Variants in SLFN11 observed in about 807,000 individuals in gnomAD.
The protein encoded by SLFN11 is schlafen family member 11.
SLFN11 carries 43 observed loss-of-function variants against 53.4 expected under a neutral mutation model. The observed-to-expected ratio is 0.80, with a 90% CI of 0.63 to 1.04. The LOEUF is 1.04. SLFN11 is among the 50% of genes least tolerant of loss of function. The probability of loss-of-function intolerance (pLI) is 0.00; values close to 1 mark genes in which losing one functional copy is unlikely to be tolerated. For synonymous variants in SLFN11, 389 were observed against 394.7 expected (o/e 0.99, Z 0.17); for missense variants, 990 against 1,079.1 (o/e 0.92, Z 1.16).
chr17:35,357,488 T>C (rs191895203), intron 5 of SLFN11, among the ~76,000 whole-genome samples: 120 of 151,770 alleles, frequency 7.9e-4, no homozygotes, highest in African/African-American at 2.8e-3. Flanking sequence ...TAGTTTATGT[T>C]AGTATATGAA....
intron 5 of SLFN11, among the ~76,000 whole-genome samples, chr17:35,354,484 C>A (rs1483606831): frequency 6.6e-6 from 1 of 152,136 alleles, no homozygotes; most frequent in African/African-American, 2.4e-5. Flanking sequence ...TAGCAGGAGC[C>A]CCCCCTCCTC....
chr17:35,363,887 T>G (rs1031165999), intron 3 of SLFN11, 61 bp from the exon 4 acceptor site: 1 of 1,327,016 alleles, frequency 7.5e-7, no homozygotes, highest in Admixed American at 2.5e-5. Flanking sequence ...GTATTTATTT[T>G]GTGTCTAATA....
intron 2 of SLFN11, 191 bp downstream of exon 2, chr17:35,367,412 A>C (rs934186501): frequency 6.6e-6 from 1 of 152,178 alleles, no homozygotes; most frequent in Non-Finnish European, 1.5e-5. Flanking sequence ...TAAAGGAATT[A>C]TAATCAGCAT....
intron 5 of SLFN11, among the ~76,000 whole-genome samples, chr17:35,356,797 T>TACACACACAC (rs61566848): frequency 0.014 from 1,908 of 140,130 alleles, 18 homozygotes; most frequent in Non-Finnish European, 0.02. Context: ...ATATGTAGCA[T>TACACACACAC]ACACACACAC....
chr17:35,370,014 A>G (rs1396080465), intron 1 of SLFN11, among the ~76,000 whole-genome samples: 1 of 152,192 alleles, frequency 6.6e-6, no homozygotes, highest in East Asian at 1.9e-4. Context: ...CTCATTCTAT[A>G]AGGCCAGTAT....
intron 1 of SLFN11, among the ~76,000 whole-genome samples, chr17:35,369,374 C>T (rs550320723): frequency 6.6e-6 from 1 of 152,008 alleles, no homozygotes; most frequent in Admixed American, 6.5e-5. Context: ...ATCTCCTCTG[C>T]CTGTGGAAAA....
chr17:35,367,158 A>C (rs1909056421), intron 2 of SLFN11, 95 bp from the exon 3 acceptor site: 1 of 152,110 alleles, frequency 6.6e-6, no homozygotes, highest in African/African-American at 2.4e-5. Context: ...ATTTCTCAAA[A>C]TTCCATTCTG....
At chr17:35,360,439 AGG>A in intron 4 of SLFN11, 68 bp from the exon 5 acceptor site, 3 of 1,403,722 alleles carry the variant, frequency 2.1e-6, no homozygotes, top group Non-Finnish European at 2.9e-6. Flanking sequence ...CTCTATCAGT[AGG>A]TGGAATGTGT....
At chr17:35,371,131 C>T (rs1909597348) in intron 1 of SLFN11, among the ~76,000 whole-genome samples, 1 of 151,982 alleles carries the variant, frequency 6.6e-6, no homozygotes, top group Non-Finnish European at 1.5e-5. Context: ...ACACATAGAC[C>T]AATGGAACAG....
rs557361390 is a variant in SLFN11 at position 35,372,658 on chromosome 17, G to C, written c.-235+816C>G. On this transcript the variant is annotated intron_variant, in intron 1 of 6. Coordinates refer to ENST00000685675, the MANE Select transcript of SLFN11 (RefSeq NM_001376007.1). ...ATAATTGGATTGTTGGTAACACAAAGGATAAATGCTTGAGGCGATGGATAC... is the reference window on the plus strand; with the variant it reads ...ATAATTGGATTGTTGGTAACACAAACGATAAATGCTTGAGGCGATGGATAC... 1.6e-4 allele frequency among the ~76,000 whole-genome samples: 25 copies of C among 152,122 alleles called. 1 individual carries two copies. The South Asian group carries it at 3.1e-3, about 19-fold the overall frequency.
At position 35,366,793 on chromosome 17, in the gene SLFN11, C is replaced by T. The variant is rs114562631; in HGVS notation, c.-20+154G>A. 9.1e-3 allele frequency among the ~76,000 whole-genome samples: 1,383 copies of T among 152,024 alleles called. 25 individuals carry two copies. The highest frequency in any genetic ancestry group is 0.032 in the African/African-American group (1,332 of 41,472). On this transcript the variant is annotated intron_variant, in intron 3 of 6. Transcript: ENST00000685675. Reference sequence around the variant, plus strand: ...TGTTAGATAAAAGTGAAGGCTGGGCCGGGTTTGGTGGCTCATGCCTGTAAT... The same window carrying T: ...TGTTAGATAAAAGTGAAGGCTGGGCTGGGTTTGGTGGCTCATGCCTGTAAT...
intron 4 of SLFN11, among the ~76,000 whole-genome samples, chr17:35,360,952 A>T (rs971536031): frequency 6.6e-6 from 1 of 152,180 alleles, no homozygotes; most frequent in African/African-American, 2.4e-5. Context: ...CCTGGGTGAC[A>T]TTCTGACACC....
At chr17:35,355,056 G>A (rs1907293626) in intron 5 of SLFN11, among the ~76,000 whole-genome samples, 3 of 152,004 alleles carry the variant, frequency 2.0e-5, no homozygotes, top group Admixed American at 2.0e-4. Flanking sequence ...ATCTTAGAAT[G>A]GATAAAATAG....
chr17:35,366,540 C>T (rs1908980089), intron 3 of SLFN11, among the ~76,000 whole-genome samples: 1 of 151,846 alleles, frequency 6.6e-6, no homozygotes, highest in Admixed American at 6.5e-5. Flanking sequence ...AAATTTAAAA[C>T]AATCAGTAAA....
rs757527921 is a variant in SLFN11, at chr17:35,352,468, A to G, written c.2594T>C (p.Val865Ala). 2 of 1,614,256 alleles carry G rather than the reference A, an allele frequency of 1.2e-6. No homozygotes were observed. The highest frequency in any genetic ancestry group is 1.1e-5 in the South Asian group (1 of 91,084). ...AGCTGTCCTTGGATGGATCCCAAAC[A>G]CTATGCTCCTTTCCAGGCCTGAGAA... Reference protein sequence around the residue: ...RRFSGLERSIVFGIHPRTADP... With the variant: ...RRFSGLERSIAFGIHPRTADP... Residue 865 changes from valine (V) to alanine (A), a missense_variant, in exon 7 of 7, where the codon GTG (valine) becomes GCG (alanine). Val to Ala is a moderately conservative substitution (Grantham distance 64). Transcript: ENST00000685675.
At chr17:35,365,754 G>A (rs1317877683) in intron 3 of SLFN11, among the ~76,000 whole-genome samples, 2 of 152,008 alleles carry the variant, frequency 1.3e-5, no homozygotes, top group African/African-American at 4.8e-5. Flanking sequence ...AACTCTCAAA[G>A]CATGATGATA....
Position 35,360,227 on chromosome 17 carries a change from G to A in SLFN11, c.1198+16C>T, listed in dbSNP as rs751105665. The A allele has an allele frequency of 3.1e-6, 5 of 1,605,834 alleles. No homozygotes were observed. Among genetic ancestry groups the A allele is most frequent in the Non-Finnish European group, 4.2e-6 (5 of 1,177,422 alleles). On this transcript the variant is annotated intron_variant, in intron 5 of 6. Coordinates refer to ENST00000685675, the MANE Select transcript of SLFN11 (RefSeq NM_001376007.1). ...TATAGAAACTGGCTGGTGTTGAGAA[G>A]ACAAACCATAATTACCTGAAAATAA...
intron 4 of SLFN11, among the ~76,000 whole-genome samples, chr17:35,361,918 T>C (rs1908272059): frequency 6.6e-6 from 1 of 151,988 alleles, no homozygotes; most frequent in Admixed American, 6.6e-5. Context: ...CTAATTTTTC[T>C]ATTTTTAGTA....
Position 35,363,175 on chromosome 17 carries a change from C to T in SLFN11, c.633G>A (p.Gln211=), listed in dbSNP as rs140144429. Residue 211 remains glutamine (Q), a synonymous_variant, in exon 4 of 7, where the codon CAG becomes CAA. Transcript: ENST00000685675. The part of the protein sequence containing the change: ...YGEILPFPES[Q]LVEFKQFSTK... ...TAGAGAACTGTTTAAACTCTACTAACTGAGACTCAGGAAAAGGCAGGATTT... is the reference window on the plus strand; with the variant it reads ...TAGAGAACTGTTTAAACTCTACTAATTGAGACTCAGGAAAAGGCAGGATTT... 1.2e-5 allele frequency: 20 copies of T among 1,613,896 alleles called. No individual in the cohort carries two copies. The African/African-American group carries it at 2.4e-4, about 19-fold the overall frequency.
Sources: gnomAD v4.1 joint callset for allele counts (sites outside exome capture counted in the v4.1 genomes callset) on GRCh38, gnomAD v4.1.1 for gene constraint, MANE v1.5 for transcripts, NCBI Gene and HGNC (gene_info 2026-07-23, HGNC 2026-07-21) for gene names.